KCND2: variants seen among roughly 807,000 people sequenced by gnomAD.
KCND2 encodes the protein A-type voltage-gated potassium channel KCND2.
KCND2 carries 16 observed loss-of-function variants against 54.4 expected under a neutral mutation model. The observed-to-expected ratio is 0.29, with a 90% confidence interval of 0.20 to 0.45. The LOEUF (loss-of-function observed/expected upper bound fraction) is 0.45. KCND2 is among the 20% of genes least tolerant of loss of function. KCND2 has a pLI of 1.00. For synonymous variants in KCND2, 317 were observed against 310.7 expected (o/e 1.02, Z -0.21); for missense variants, 486 against 824.2 (o/e 0.59, Z 5.02).
intron 1 of KCND2, among the ~76,000 whole-genome samples, chr7:120,676,897 C>G (rs549943179): frequency 2.0e-5 from 3 of 152,304 alleles, no homozygotes; most frequent in South Asian, 4.1e-4. Flanking sequence ...TAAGCATGCA[C>G]TTTCTTTTAA....
intron 1 of KCND2, among the ~76,000 whole-genome samples, chr7:120,441,979 T>A (rs1343721674): frequency 6.6e-6 from 1 of 152,074 alleles, no homozygotes; most frequent in Non-Finnish European, 1.5e-5. Context: ...CCAGGGAGGC[T>A]CACTTGACCT....
chr7:120,590,005 T>C (rs1792650002), intron 1 of KCND2, among the ~76,000 whole-genome samples: 1 of 149,574 alleles, frequency 6.7e-6, no homozygotes, highest in African/African-American at 2.6e-5. Context: ...TATTTCCTTT[T>C]TTTGTTTTTG....
chr7:120,509,973 A>C (rs1307744004), intron 1 of KCND2, among the ~76,000 whole-genome samples: 1 of 152,098 alleles, frequency 6.6e-6, no homozygotes, highest in African/African-American at 2.4e-5. Flanking sequence ...ACATCATTGG[A>C]CATCTAGCCA....
Position 120,615,204 on chromosome 7 carries a change from G to GT in KCND2, c.1116-117691dup, listed in dbSNP as rs548064049. Among the ~76,000 whole-genome samples the GT allele has an allele frequency of 7.9e-5, 12 of 152,068 alleles. No individual in the cohort carries two copies. In the South Asian group the frequency reaches 2.3e-3, roughly 29 times the overall value. Reference sequence around the variant, plus strand: ...TTCAAGGAAATGCTTGCTCTTCTTAGTTTTTTTTATTCAGAAATCTGTACA... The same window carrying GT: ...TTCAAGGAAATGCTTGCTCTTCTTAGTTTTTTTTTATTCAGAAATCTGTACA... On this transcript the variant is annotated intron_variant, in intron 1 of 5. Transcript: ENST00000331113.
At chr7:120,418,048 A>G (rs965494879) in intron 1 of KCND2, among the ~76,000 whole-genome samples, 11 of 152,222 alleles carry the variant, frequency 7.2e-5, no homozygotes, top group African/African-American at 2.7e-4. Flanking sequence ...CAAGTATTTT[A>G]CTTGTTTTAA....
chr7:120,660,298 C>G (rs1791850322), intron 1 of KCND2, among the ~76,000 whole-genome samples: 1 of 152,190 alleles, frequency 6.6e-6, no homozygotes, highest in African/African-American at 2.4e-5. Context: ...AAAATGCATA[C>G]ATTCTTTCTT....
chr7:120,332,054 T>C (rs1418440815), intron 1 of KCND2, among the ~76,000 whole-genome samples: 2 of 152,098 alleles, frequency 1.3e-5, no homozygotes, highest in East Asian at 1.9e-4. Flanking sequence ...CCCTAGACTT[T>C]CGGTTGGCTT....
intron 1 of KCND2, among the ~76,000 whole-genome samples, chr7:120,644,636 A>T (rs1793416212): frequency 6.6e-6 from 1 of 152,222 alleles, no homozygotes; most frequent in Non-Finnish European, 1.5e-5. Context: ...ATTCCGACAG[A>T]GATAGTGATA....
intron 1 of KCND2, among the ~76,000 whole-genome samples, chr7:120,717,157 A>C (rs1029591308): frequency 4.6e-5 from 7 of 152,124 alleles, no homozygotes; most frequent in Non-Finnish European, 5.9e-5. Flanking sequence ...TAACGTAGGC[A>C]TTGTGACTTA....
intron 2 of KCND2, among the ~76,000 whole-genome samples, chr7:120,737,916 T>A (rs1029837951): frequency 2.0e-5 from 3 of 151,960 alleles, no homozygotes; most frequent in African/African-American, 4.8e-5. Flanking sequence ...GATGGCCCAA[T>A]AACTTCCTTT....
chr7:120,687,327 G>A (rs1792215110), intron 1 of KCND2, among the ~76,000 whole-genome samples: 1 of 152,086 alleles, frequency 6.6e-6, no homozygotes, highest in Admixed American at 6.6e-5. Flanking sequence ...TTCAGTTATG[G>A]TAGATTAATG....
chr7:120,639,072 A>G (rs1793340722), intron 1 of KCND2, among the ~76,000 whole-genome samples: 1 of 152,156 alleles, frequency 6.6e-6, no homozygotes, highest in Admixed American at 6.6e-5. Context: ...TATATACTGG[A>G]AAGAACTTCA....
intron 1 of KCND2, among the ~76,000 whole-genome samples, chr7:120,525,458 G>A (rs964970202): frequency 2.6e-5 from 4 of 152,158 alleles, no homozygotes; most frequent in African/African-American, 9.6e-5. Flanking sequence ...TGCTATGGCT[G>A]TGTAGTTTTA....
intron 1 of KCND2, among the ~76,000 whole-genome samples, chr7:120,568,168 T>C (rs894274034): frequency 3.3e-5 from 5 of 152,086 alleles, no homozygotes; most frequent in African/African-American, 1.2e-4. Context: ...AAATAAACTC[T>C]CTTCTAATTC....
intron 1 of KCND2, among the ~76,000 whole-genome samples, chr7:120,700,870 T>C (rs963004787): frequency 6.6e-6 from 1 of 152,104 alleles, no homozygotes; most frequent in Non-Finnish European, 1.5e-5. Context: ...TCAAGCTTAG[T>C]TTAGGATGTG....
At chr7:120,320,557 C>G (rs545125151) in intron 1 of KCND2, among the ~76,000 whole-genome samples, 10 of 152,244 alleles carry the variant, frequency 6.6e-5, no homozygotes, top group Non-Finnish European at 1.3e-4. Flanking sequence ...GACAGGGGAT[C>G]ACTAAGGAAT....
intron 1 of KCND2, among the ~76,000 whole-genome samples, chr7:120,606,295 A>C (rs1792881626): frequency 6.6e-6 from 1 of 152,178 alleles, no homozygotes; most frequent in South Asian, 2.1e-4. Context: ...TCAAAATACA[A>C]ATTTCTTATC....
chr7:120,288,180 T>A (rs541861287), intron 1 of KCND2, among the ~76,000 whole-genome samples: 119 of 152,138 alleles, frequency 7.8e-4, no homozygotes, highest in Middle Eastern at 3.4e-3. Flanking sequence ...AATCGACCAA[T>A]TGGTTGTAAT....
At chr7:120,608,186 G>T in intron 1 of KCND2, among the ~76,000 whole-genome samples, 1 of 151,994 alleles carries the variant, frequency 6.6e-6, no homozygotes, top group Non-Finnish European at 1.5e-5. Flanking sequence ...ATTATAAAAA[G>T]ATGGGAAAAT....
Sources: allele counts gnomAD v4.1 joint callset (sites outside exome capture counted in the v4.1 genomes callset), GRCh38; gene constraint gnomAD v4.1.1; transcripts MANE v1.5; gene names NCBI Gene and HGNC (gene_info 2026-07-23, HGNC 2026-07-21).